The following TOX3 variants were observed in gnomAD, a reference collection of about 807,000 sequenced individuals.
TOX3 encodes CAG trinucleotide repeat-containing gene F9 protein.
A neutral mutation model predicts 64.3 loss-of-function variants in TOX3; 22 were observed. The observed-to-expected ratio is 0.34, with a 90% CI of 0.24 to 0.49. The LOEUF is 0.49. TOX3 is among the 20% of genes least tolerant of loss of function. TOX3 has a pLI of 0.99. For missense variants in TOX3, 661 were observed against 714.4 expected (o/e 0.93, Z 0.85); for synonymous variants, 291 against 273.6 (o/e 1.06, Z -0.63).
chr16:52,442,494 C>A (rs1035014733), intron 6 of TOX3, among the ~76,000 whole-genome samples: 2 of 152,168 alleles, frequency 1.3e-5, no homozygotes, highest in East Asian at 3.9e-4. Flanking sequence ...GTTATTCTAA[C>A]ATGATGTGAT....
intron 3 of TOX3, among the ~76,000 whole-genome samples, chr16:52,454,327 C>T (rs1011465231): frequency 2.6e-5 from 4 of 152,114 alleles, no homozygotes; most frequent in African/African-American, 9.7e-5. Flanking sequence ...CTTGCCAAAA[C>T]TTAGAGTCAT....
chr16:52,505,787 G>A (rs1962144539), intron 1 of TOX3, among the ~76,000 whole-genome samples: 1 of 152,074 alleles, frequency 6.6e-6, no homozygotes, highest in Admixed American at 6.5e-5. Context: ...GACCAGCCTG[G>A]GCAACATAGG....
chr16:52,514,612 A>C (rs1005128986), intron 1 of TOX3, among the ~76,000 whole-genome samples: 5 of 152,212 alleles, frequency 3.3e-5, no homozygotes, highest in African/African-American at 1.2e-4. Flanking sequence ...GAAGAAGATC[A>C]GTAGGTCAAG....
chr16:52,485,565 G>A (rs1255988440), intron 1 of TOX3, among the ~76,000 whole-genome samples: 2 of 151,862 alleles, frequency 1.3e-5, no homozygotes, highest in Non-Finnish European at 2.9e-5. Context: ...TACATTAGAA[G>A]ACCAACCCGA....
At chr16:52,481,842 A>C (rs1300603223) in intron 1 of TOX3, among the ~76,000 whole-genome samples, 2 of 152,176 alleles carry the variant, frequency 1.3e-5, no homozygotes, top group African/African-American at 2.4e-5. Context: ...TCATATAGCT[A>C]TCATTAGTTC....
intron 4 of TOX3, among the ~76,000 whole-genome samples, chr16:52,448,328 A>G (rs542327966): frequency 6.6e-6 from 1 of 152,330 alleles, no homozygotes; most frequent in South Asian, 2.1e-4. Flanking sequence ...TAGGAGTCCC[A>G]TAAGAGGTCC....
At position 52,533,713 on chromosome 16, in the gene TOX3, T is replaced by C. The variant is rs566002966; in HGVS notation, c.87+12924A>G. ...GTAAATAAAAATATGTAGCATATAATAATGTGGATGCAAATGAGAAGACAG... is the reference window on the plus strand; with the variant it reads ...GTAAATAAAAATATGTAGCATATAACAATGTGGATGCAAATGAGAAGACAG... On this transcript the variant is annotated intron_variant, in intron 1 of 6. Transcript: ENST00000219746. 3.3e-5 allele frequency among the ~76,000 whole-genome samples: 5 copies of C among 152,320 alleles called. No homozygotes were observed. The East Asian group carries it at 5.8e-4, about 18-fold the overall frequency.
chr16:52,441,016 C>A (rs946117595), intron 6 of TOX3, among the ~76,000 whole-genome samples: 1 of 152,008 alleles, frequency 6.6e-6, no homozygotes, highest in Non-Finnish European at 1.5e-5. Context: ...CCCACCTCGG[C>A]CTCCCAAAGT....
At chr16:52,457,758 C>G (rs1375971482) in intron 3 of TOX3, among the ~76,000 whole-genome samples, 1 of 152,142 alleles carries the variant, frequency 6.6e-6, no homozygotes, top group Non-Finnish European at 1.5e-5. Context: ...GACCCTGACA[C>G]AGTAATGCCA....
chr16:52,487,295 G>A (rs1198874362), intron 1 of TOX3, among the ~76,000 whole-genome samples: 1 of 129,432 alleles, frequency 7.7e-6, no homozygotes, highest in East Asian at 2.5e-4. Flanking sequence ...CAGAGCAGCT[G>A]AGTCAGATGG....
intron 1 of TOX3, among the ~76,000 whole-genome samples, chr16:52,484,135 G>T: frequency 6.6e-6 from 1 of 152,134 alleles, no homozygotes; most frequent in East Asian, 1.9e-4. Flanking sequence ...TTTAAAAGGA[G>T]CCTAAAGTTC....
At position 52,463,966 on chromosome 16, in the gene TOX3, C is replaced by G; in HGVS notation, c.376G>C (p.Asp126His). 1 of 1,585,658 alleles carries G rather than the reference C, an allele frequency of 6.3e-7. No homozygotes were observed. Among genetic ancestry groups the G allele is most frequent in the East Asian group, 2.3e-5 (1 of 43,532 alleles). Residue 126 changes from aspartate to histidine, a missense_variant, in exon 3 of 7, where the codon GAT becomes CAT. Asp to His is a moderately conservative substitution (Grantham distance 81, BLOSUM62 -1). Around this residue, in one of 3 missense-constraint regions of TOX3, gnomAD observed 259 missense variants for 261.2 expected, o/e 0.99. Transcript: ENST00000219746. ...ITISRNLVEQ[D>H]GVLHSSGLHM... ...AACCCACTGCTATGAAGCACGCCAT[C>G]TTGTTCCACGAGATTTCTTGAGATT... is the stretch of plus-strand genomic sequence containing the variant.
chr16:52,485,431 A>C (rs1217897461), intron 1 of TOX3, among the ~76,000 whole-genome samples: 2 of 151,916 alleles, frequency 1.3e-5, no homozygotes, highest in Non-Finnish European at 2.9e-5. Context: ...AGAGCTAAAT[A>C]ATGGGTACAC....
intron 6 of TOX3, among the ~76,000 whole-genome samples, chr16:52,441,781 T>C (rs1959997834): frequency 6.6e-6 from 1 of 152,202 alleles, no homozygotes; most frequent in Admixed American, 6.5e-5. Context: ...TCTCTGATGT[T>C]TTCTGTTTGA....
chr16:52,537,869 C>T (rs1240152365), intron 1 of TOX3, among the ~76,000 whole-genome samples: 1 of 120,622 alleles, frequency 8.3e-6, no homozygotes, highest in African/African-American at 3.6e-5. Context: ...TACAGCCTGG[C>T]TGATATGATA....
intron 1 of TOX3, among the ~76,000 whole-genome samples, chr16:52,477,145 A>T (rs1414826692): frequency 6.6e-6 from 1 of 152,054 alleles, no homozygotes; most frequent in African/African-American, 2.4e-5. Flanking sequence ...ACAGAGGGAG[A>T]GTCCCAGGCA....
Position 52,546,880 on chromosome 16 carries a change from G to C in TOX3, c.-157C>G, listed in dbSNP as rs1179106154. ...CCGGGACCCAGAGCCCGAGGAGCTC[G>C]GGAGCCGCGGCCGCCGCACACAAAG... On this transcript the variant is annotated 5_prime_UTR_variant, in exon 1 of 7. Coordinates refer to ENST00000219746, the MANE Select transcript of TOX3 (RefSeq NM_001080430.4). The C allele has an allele frequency of 8.5e-6, 10 of 1,172,942 alleles. No individual in the cohort carries two copies. Among genetic ancestry groups the C allele is most frequent in the Middle Eastern group, 6.9e-4 (2 of 2,880 alleles). 72.7% of individuals were successfully genotyped at this position (1,172,942 alleles called of 1,614,324 possible).
At chr16:52,496,218 T>C (rs1427190655) in intron 1 of TOX3, among the ~76,000 whole-genome samples, 1 of 152,230 alleles carries the variant, frequency 6.6e-6, no homozygotes, top group African/African-American at 2.4e-5. Context: ...AAACAAGAGC[T>C]TAACTTTAAA....
At chr16:52,461,326 G>A (rs1283643634) in intron 3 of TOX3, among the ~76,000 whole-genome samples, 1 of 152,088 alleles carries the variant, frequency 6.6e-6, no homozygotes, top group African/African-American at 2.4e-5. Flanking sequence ...CAAATGCATC[G>A]ACATTCAATT....
Sources: allele counts gnomAD v4.1 joint callset (sites outside exome capture counted in the v4.1 genomes callset), GRCh38; gene constraint gnomAD v4.1.1; regional missense constraint gnomAD v4.1.1; transcripts MANE v1.5; gene names NCBI Gene and HGNC (gene_info 2026-07-23, HGNC 2026-07-21).